The following ENPP6 variants were observed in gnomAD, a reference collection of about 807,000 sequenced individuals.
The protein encoded by ENPP6 is glycerophosphocholine cholinephosphodiesterase ENPP6.
A neutral mutation model predicts 42.0 loss-of-function variants in ENPP6; 32 were observed. The observed-to-expected ratio is 0.76, with a 90% CI of 0.58 to 1.02. The LOEUF is 1.02. Ranked by LOEUF, ENPP6 falls within the 50% of genes least tolerant of loss-of-function variation. The probability of loss-of-function intolerance (pLI) is 0.00; values close to 1 mark genes in which losing one functional copy is unlikely to be tolerated. For synonymous variants in ENPP6, 213 were observed against 216.0 expected (o/e 0.99, Z 0.12); for missense variants, 552 against 566.8 (o/e 0.97, Z 0.27).
At chr4:184,202,167 T>C (rs554064945) in intron 1 of ENPP6, among the ~76,000 whole-genome samples, 2 of 152,340 alleles carry the variant, frequency 1.3e-5, no homozygotes, top group East Asian at 3.9e-4. Flanking sequence ...CAAATTGAAA[T>C]ATAATTTGAT....
At chr4:184,134,195 T>C (rs1319326397) in intron 2 of ENPP6, among the ~76,000 whole-genome samples, 1 of 151,068 alleles carries the variant, frequency 6.6e-6, no homozygotes, top group Non-Finnish European at 1.5e-5. Flanking sequence ...GCCAGGCCAG[T>C]CTTGAATTCC....
chr4:184,151,969 C>G (rs538786509), intron 2 of ENPP6, among the ~76,000 whole-genome samples: 1 of 152,210 alleles, frequency 6.6e-6, no homozygotes, highest in African/African-American at 2.4e-5. Flanking sequence ...AGGTGTCTTG[C>G]GTCAGCCGAG....
chr4:184,149,798 A>G (rs572353575), intron 2 of ENPP6, among the ~76,000 whole-genome samples: 1 of 152,346 alleles, frequency 6.6e-6, no homozygotes, highest in Admixed American at 6.5e-5. Context: ...AACTGCTGCC[A>G]GCATGTAAGG....
At chr4:184,199,419 T>C (rs186663897) in intron 1 of ENPP6, among the ~76,000 whole-genome samples, 1 of 152,330 alleles carries the variant, frequency 6.6e-6, no homozygotes, top group Admixed American at 6.5e-5. Flanking sequence ...CTCCCAAACA[T>C]TTACGTTTCT....
chr4:184,186,399 T>A (rs1212620189), intron 1 of ENPP6, among the ~76,000 whole-genome samples: 1 of 152,134 alleles, frequency 6.6e-6, no homozygotes, highest in African/African-American at 2.4e-5. Context: ...ATTAGCAGTT[T>A]TCTGGGGGCG....
chr4:184,098,639 C>A (rs1204539712), intron 6 of ENPP6, among the ~76,000 whole-genome samples: 2 of 152,194 alleles, frequency 1.3e-5, no homozygotes, highest in African/African-American at 4.8e-5. Flanking sequence ...GTTCCGGAAC[C>A]ATCACTTCCC....
intron 6 of ENPP6, among the ~76,000 whole-genome samples, chr4:184,107,415 C>T (rs767886372): frequency 1.3e-5 from 2 of 152,168 alleles, no homozygotes; most frequent in East Asian, 3.9e-4. Context: ...GGACTGACAG[C>T]GGTTGGAAAT....
chr4:184,188,681 A>G (rs1036666062), intron 1 of ENPP6, among the ~76,000 whole-genome samples: 1 of 152,182 alleles, frequency 6.6e-6, no homozygotes, highest in African/African-American at 2.4e-5. Context: ...GTTTAGCTGG[A>G]GAGAGAAGCA....
At chr4:184,150,968 C>T (rs779842435) in intron 2 of ENPP6, among the ~76,000 whole-genome samples, 1 of 152,186 alleles carries the variant, frequency 6.6e-6, no homozygotes, top group African/African-American at 2.4e-5. Context: ...TTTGGAGGAG[C>T]AACAAGATAT....
At chr4:184,126,144 T>C (rs1443352953) in intron 2 of ENPP6, among the ~76,000 whole-genome samples, 1 of 152,228 alleles carries the variant, frequency 6.6e-6, no homozygotes, top group Non-Finnish European at 1.5e-5. Context: ...TTTTGGTGTT[T>C]GCACATAATA....
chr4:184,113,033 G>A (rs1736229981), intron 5 of ENPP6, among the ~76,000 whole-genome samples: 1 of 152,204 alleles, frequency 6.6e-6, no homozygotes, highest in Admixed American at 6.5e-5. Context: ...CACCTAAGAA[G>A]TTGACTCTGA....
At chr4:184,215,698 G>A (rs1325659379) in intron 1 of ENPP6, among the ~76,000 whole-genome samples, 2 of 152,150 alleles carry the variant, frequency 1.3e-5, no homozygotes, top group Non-Finnish European at 2.9e-5. Flanking sequence ...GAATACATTT[G>A]GCCATCTGAA....
chr4:184,089,367 C>G lies in ENPP6; in HGVS notation c.*1810G>C, dbSNP rs945648492. 1 of 152,166 alleles carries G rather than the reference C, an allele frequency of 6.6e-6. No homozygotes were observed. Among genetic ancestry groups the G allele is most frequent in the African/African-American group, 2.4e-5 (1 of 41,430 alleles). The allele number at this position is 152,166 out of a possible 1,614,324, so 9.4% of individuals were successfully genotyped here. ...GATATTCAGTTTTCAAGGTAACACA[C>G]CATATAAGGCCTCCATCGTCCTGAG... On this transcript the variant is annotated 3_prime_UTR_variant, in exon 8 of 8. Transcript: ENST00000296741.
At position 184,184,701 on chromosome 4, in the gene ENPP6, C is replaced by T. The variant is rs895126869; in HGVS notation, c.242-30968G>A. ...ATAAGGAAGGGAGACAGTCACATGT[C>T]AATAGAGGCAGAGGTGGAAGTGATG... On this transcript the variant is annotated intron_variant, in intron 1 of 7. Transcript: ENST00000296741. This position sits in a 1 kb window ranked among gnomAD's most constrained non-coding sequence, Gnocchi z 4.7. Among the ~76,000 whole-genome samples, 10 of 152,072 alleles carry T rather than the reference C, an allele frequency of 6.6e-5. No individual in the cohort carries two copies. Among genetic ancestry groups the T allele is most frequent in the Non-Finnish European group, 1.5e-4 (10 of 68,022 alleles).
chr4:184,160,099 G>A (rs937649348), intron 1 of ENPP6, among the ~76,000 whole-genome samples: 3 of 152,182 alleles, frequency 2.0e-5, no homozygotes, highest in Non-Finnish European at 2.9e-5. Flanking sequence ...TATGAATTGT[G>A]CTGTTATAAA....
At chr4:184,111,323 A>T (rs1736192383) in intron 6 of ENPP6, among the ~76,000 whole-genome samples, 1 of 152,234 alleles carries the variant, frequency 6.6e-6, no homozygotes, top group African/African-American at 2.4e-5. Flanking sequence ...AATTTTATAA[A>T]CTGAAAAAAG....
chr4:184,100,374 T>C (rs1383443889), intron 6 of ENPP6, among the ~76,000 whole-genome samples: 2 of 152,188 alleles, frequency 1.3e-5, no homozygotes, highest in Admixed American at 1.3e-4. Flanking sequence ...CACACACCTC[T>C]CCACCTCCAC....
intron 2 of ENPP6, among the ~76,000 whole-genome samples, chr4:184,130,280 CG>C (rs1317157358): frequency 6.6e-5 from 10 of 151,882 alleles, no homozygotes; most frequent in African/African-American, 2.2e-4. Flanking sequence ...GGGTTTTGGC[CG>C]GGCGCGGTGG....
At chr4:184,144,466 C>A (rs1736885010) in intron 2 of ENPP6, among the ~76,000 whole-genome samples, 1 of 152,232 alleles carries the variant, frequency 6.6e-6, no homozygotes, top group African/African-American at 2.4e-5. Flanking sequence ...CCTCTGCGTG[C>A]TCCTTCAGAC....
Sources: allele counts gnomAD v4.1 joint callset (sites outside exome capture counted in the v4.1 genomes callset), GRCh38; gene constraint gnomAD v4.1.1; non-coding constraint Gnocchi (gnomAD v3.1); transcripts MANE v1.5; gene names NCBI Gene and HGNC (gene_info 2026-07-23, HGNC 2026-07-21).